Variants in TBC1D23 observed in about 807,000 individuals in gnomAD.
TBC1D23 encodes the protein TBC1 domain family member 23.
A neutral mutation model predicts 91.4 loss-of-function variants in TBC1D23; 55 were observed. The ratio of observed to expected loss-of-function variants is 0.60; its 90% confidence interval spans 0.48 to 0.75. TBC1D23 has a LOEUF of 0.75. TBC1D23 is among the 30% of genes least tolerant of loss of function. TBC1D23 has a pLI of 0.00. For missense variants in TBC1D23, 725 were observed against 836.1 expected (o/e 0.87, Z 1.64); for synonymous variants, 289 against 281.0 (o/e 1.03, Z -0.28).
chr3:100,287,383 G>C (rs186243723), intron 4 of TBC1D23, among the ~76,000 whole-genome samples: 5 of 152,306 alleles, frequency 3.3e-5, no homozygotes, highest in Admixed American at 3.3e-4. Context: ...CCTTGTACTT[G>C]AGAGCAACAC....
At chr3:100,310,021 G>A (rs1705597886) in intron 13 of TBC1D23, among the ~76,000 whole-genome samples, 1 of 152,190 alleles carries the variant, frequency 6.6e-6, no homozygotes, top group Admixed American at 6.5e-5. Context: ...TTTTCTTACT[G>A]TTCTGGAGGC....
intron 1 of TBC1D23, among the ~76,000 whole-genome samples, chr3:100,273,628 G>A (rs991796901): frequency 6.6e-6 from 1 of 152,084 alleles, no homozygotes; most frequent in African/African-American, 2.4e-5. Context: ...TACACTACAG[G>A]GCTAAAGTAA....
chr3:100,301,792 AAAAAC>A, intron 10 of TBC1D23: 1 of 306,488 alleles, frequency 3.3e-6, no homozygotes, highest in Non-Finnish European at 5.9e-6. Flanking sequence ...TTATTTAAGA[AAAAAC>A]AAGAACAACA....
intron 1 of TBC1D23, among the ~76,000 whole-genome samples, chr3:100,262,889 T>A (rs150716195): frequency 5.2e-4 from 79 of 152,336 alleles, no homozygotes; most frequent in Admixed American, 3.2e-3. Flanking sequence ...AGCTACCTTA[T>A]ATTTCAATTT....
intron 1 of TBC1D23, among the ~76,000 whole-genome samples, chr3:100,272,746 A>G (rs563223263): frequency 6.6e-6 from 1 of 152,356 alleles, no homozygotes; most frequent in African/African-American, 2.4e-5. Flanking sequence ...GTCAGCAGAT[A>G]AACACGTGAA....
chr3:100,314,091 A>ATTTTTTTT (rs71299383), intron 15 of TBC1D23, among the ~76,000 whole-genome samples: 51 of 94,584 alleles, frequency 5.4e-4, no homozygotes, highest in Non-Finnish European at 7.2e-4. Context: ...AGGCTACAAA[A>ATTTTTTTT]TTTTTTTTTT....
chr3:100,304,750 A>G (rs1705488625), intron 11 of TBC1D23, 96 bp from the exon 12 acceptor site: 6 of 684,282 alleles, frequency 8.8e-6, no homozygotes, highest in Non-Finnish European at 1.6e-5. Context: ...AATTTAATGT[A>G]TCACTTGGTA....
At chr3:100,263,135 T>G (rs1036312707) in intron 1 of TBC1D23, among the ~76,000 whole-genome samples, 2 of 152,158 alleles carry the variant, frequency 1.3e-5, no homozygotes, top group Admixed American at 6.5e-5. Flanking sequence ...GGGGCCGTTT[T>G]ATAGGATTTG....
At chr3:100,279,148 CT>C (rs35307548) in intron 1 of TBC1D23, among the ~76,000 whole-genome samples, 1 of 152,146 alleles carries the variant, frequency 6.6e-6, no homozygotes, top group African/African-American at 2.4e-5. Context: ...AGAACAGTAA[CT>C]TTTTAATACC....
intron 1 of TBC1D23, among the ~76,000 whole-genome samples, chr3:100,264,672 G>A (rs914790970): frequency 6.6e-6 from 1 of 152,116 alleles, no homozygotes; most frequent in Non-Finnish European, 1.5e-5. Context: ...TTTGTTGTCA[G>A]TGGTATCTCA....
chr3:100,289,500 ATACTT>A (rs2067771852), intron 4 of TBC1D23, among the ~76,000 whole-genome samples: 1 of 152,190 alleles, frequency 6.6e-6, no homozygotes, highest in Non-Finnish European at 1.5e-5. Flanking sequence ...GGAAGTAACT[ATACTT>A]CCTGAGGAGT....
intron 1 of TBC1D23, among the ~76,000 whole-genome samples, chr3:100,269,980 G>T (rs763666993): frequency 1.3e-5 from 2 of 152,172 alleles, no homozygotes; most frequent in Non-Finnish European, 2.9e-5. Context: ...ATATGTACAT[G>T]GACAAGCTGG....
intron 1 of TBC1D23, among the ~76,000 whole-genome samples, chr3:100,263,374 C>T (rs1264000388): frequency 3.3e-5 from 5 of 152,228 alleles, no homozygotes; most frequent in Admixed American, 2.6e-4. Context: ...TGTGATTCTT[C>T]AGTTACTTCA....
chr3:100,296,564 A>G (rs2067842546), intron 8 of TBC1D23, among the ~76,000 whole-genome samples: 1 of 152,124 alleles, frequency 6.6e-6, no homozygotes. Context: ...TTGACTTTAA[A>G]AATTATATTA....
At chr3:100,308,278 A>G (rs1408279502) in intron 13 of TBC1D23, among the ~76,000 whole-genome samples, 1 of 152,088 alleles carries the variant, frequency 6.6e-6, no homozygotes, top group African/African-American at 2.4e-5. Context: ...GATCAAGACC[A>G]TCCTGGATAA....
Position 100,310,525 on chromosome 3 carries a change from A to G in TBC1D23, c.1536A>G (p.Thr512=), listed in dbSNP as rs1173102886. The G allele has an allele frequency of 6.2e-7, 1 of 1,613,158 alleles. No individual in the cohort carries two copies. The highest frequency in any genetic ancestry group is 1.3e-5 in the African/African-American group (1 of 75,008). ...AAGTTATCAGTTTTATAGAGAATAC[A>G]TCAACTCCTGTGGATCGGTGAGTTG... The part of the protein sequence containing the change: ...REKVISFIEN[T]STPVDRMSFN... The change falls in exon 14 of 19, where the codon ACA becomes ACG. Residue 512 remains threonine, a synonymous_variant. Coordinates refer to ENST00000394144, the MANE Select transcript of TBC1D23 (RefSeq NM_001199198.3).
intron 4 of TBC1D23, among the ~76,000 whole-genome samples, chr3:100,286,270 A>G (rs2067741006): frequency 6.6e-6 from 1 of 152,196 alleles, no homozygotes; most frequent in Non-Finnish European, 1.5e-5. Context: ...CAATAGCAAG[A>G]GATAAGATGT....
At position 100,283,655 on chromosome 3, in the gene TBC1D23, T is replaced by C; in HGVS notation, c.320T>C (p.Ile107Thr). ...AAGGCAGCAGAATTACTTTTGGATA[T>C]TGAATCTGTAATTACCTTTTATTGT... ...EEKAAELLLD[I>T]ESVITFYCKS... Residue 107 changes from isoleucine (I) to threonine (T), a missense_variant, in exon 4 of 19, where the codon ATT becomes ACT. Coordinates refer to ENST00000394144, the MANE Select transcript of TBC1D23 (RefSeq NM_001199198.3). 2 of 1,613,930 alleles carry C rather than the reference T, an allele frequency of 1.2e-6. No homozygotes were observed. The highest frequency in any genetic ancestry group is 2.2e-5 in the South Asian group (2 of 91,072).
At chr3:100,264,796 ATTGTTT>A (rs1359853843) in intron 1 of TBC1D23, among the ~76,000 whole-genome samples, 1 of 152,148 alleles carries the variant, frequency 6.6e-6, no homozygotes, top group Non-Finnish European at 1.5e-5. Flanking sequence ...ACTCTATGAC[ATTGTTT>A]TTGCTGATTT....
Sources: allele counts gnomAD v4.1 joint callset (sites outside exome capture counted in the v4.1 genomes callset), GRCh38; gene constraint gnomAD v4.1.1; transcripts MANE v1.5; gene names NCBI Gene and HGNC (gene_info 2026-07-23, HGNC 2026-07-21).